Variants in SNAP91 observed in about 807,000 individuals in gnomAD.
The protein encoded by SNAP91 is synaptosome associated protein 91.
Under a neutral mutation model 100.3 loss-of-function variants are expected in SNAP91, and 27 were observed. That is an observed-to-expected ratio of 0.27 (90% confidence interval 0.20 to 0.37). SNAP91 has a LOEUF of 0.37. Among genes scored for constraint, SNAP91 ranks in the 10% least tolerant of loss-of-function variants. SNAP91 has a pLI of 1.00. For synonymous variants in SNAP91, 404 were observed against 398.6 expected, an observed-to-expected ratio of 1.01 and a Z score of -0.16; for missense variants, 986 against 1,123.7, an observed-to-expected ratio of 0.88 and a Z score of 1.75.
At chr6:83,656,931 T>C (rs1025368317) in intron 6 of SNAP91, 66 bp from the exon 7 acceptor site, 9 of 675,628 alleles carry the variant, frequency 1.3e-5, no homozygotes, top group Non-Finnish European at 2.0e-5. Flanking sequence ...TTGAATCACA[T>C]TAAAATGTCT....
chr6:83,633,552 C>T (rs765975211), intron 8 of SNAP91, among the ~76,000 whole-genome samples: 7 of 151,936 alleles, frequency 4.6e-5, no homozygotes, highest in Non-Finnish European at 1.0e-4. Context: ...GGTCTTGCTG[C>T]GGCTGCTGTG....
intron 26 of SNAP91, among the ~76,000 whole-genome samples, chr6:83,561,209 A>T (rs1026806178): frequency 6.6e-6 from 1 of 152,014 alleles, no homozygotes; most frequent in African/African-American, 2.4e-5. Flanking sequence ...TGGCTGACCA[A>T]TTTTTAAAAA....
intron 2 of SNAP91, 56 bp downstream of exon 2, chr6:83,707,742 A>G (rs756609076): frequency 1.1e-5 from 17 of 1,601,952 alleles, no homozygotes; most frequent in South Asian, 5.6e-5. Flanking sequence ...CCGCACCACC[A>G]GCATCCCAGG....
At chr6:83,565,400 G>A (rs1245740164) in intron 26 of SNAP91, among the ~76,000 whole-genome samples, 1 of 152,070 alleles carries the variant, frequency 6.6e-6, no homozygotes, top group Non-Finnish European at 1.5e-5. Context: ...GAGAGTCAAA[G>A]TCCTTTTCCT....
chr6:83,682,707 A>G (rs2099007443), intron 2 of SNAP91, among the ~76,000 whole-genome samples: 1 of 151,224 alleles, frequency 6.6e-6, no homozygotes, highest in African/African-American at 2.4e-5. Flanking sequence ...AGCATTAGGT[A>G]TATCTCCTAA....
At chr6:83,605,940 T>A in intron 13 of SNAP91, 137 bp from the exon 14 acceptor site, 2 of 787,770 alleles carry the variant, frequency 2.5e-6, no homozygotes, top group Non-Finnish European at 3.9e-6. Context: ...TTGGAAAGTA[T>A]AGAGCTATAG....
intron 28 of SNAP91, 126 bp from the exon 29 acceptor site, chr6:83,556,371 G>C (rs1778686521): frequency 2.0e-6 from 1 of 491,354 alleles, no homozygotes; most frequent in Non-Finnish European, 3.7e-6. Context: ...GAGAGAGAGA[G>C]AGAGAGAGAG....
chr6:83,659,234 T>C, intron 5 of SNAP91, 142 bp from the exon 6 acceptor site: 1 of 645,458 alleles, frequency 1.5e-6, no homozygotes, highest in Non-Finnish European at 2.6e-6. Context: ...TACAAGGTTG[T>C]AGTCATTTCC....
At chr6:83,572,439 T>TG (rs774457158) in intron 26 of SNAP91, among the ~76,000 whole-genome samples, 14 of 152,108 alleles carry the variant, frequency 9.2e-5, no homozygotes, top group Admixed American at 8.5e-4. Flanking sequence ...TTGGTAGAGA[T>TG]GGGGTTTCAC....
intron 26 of SNAP91, among the ~76,000 whole-genome samples, chr6:83,565,360 C>A (rs565774260): frequency 6.6e-6 from 1 of 152,206 alleles, no homozygotes; most frequent in South Asian, 2.1e-4. Context: ...CCTTGAACTG[C>A]CATTAGTTTC....
intron 3 of SNAP91, among the ~76,000 whole-genome samples, chr6:83,662,938 A>G (rs2098585739): frequency 6.6e-6 from 1 of 152,072 alleles, no homozygotes; most frequent in Non-Finnish European, 1.5e-5. Context: ...CTCAGGGATG[A>G]GCCAGTCTAT....
At chr6:83,655,849 C>A (rs1054263198) in intron 7 of SNAP91, among the ~76,000 whole-genome samples, 5 of 152,196 alleles carry the variant, frequency 3.3e-5, no homozygotes, top group African/African-American at 1.2e-4. Flanking sequence ...TCAAATTATA[C>A]CCATGGACTC....
intron 8 of SNAP91, among the ~76,000 whole-genome samples, chr6:83,629,363 A>G (rs890308900): frequency 2.6e-5 from 4 of 152,160 alleles, no homozygotes; most frequent in African/African-American, 9.7e-5. Context: ...TTGGTTCCAC[A>G]TGAATTTTAG....
chr6:83,623,444 G>A (rs1285684526), intron 8 of SNAP91, 102 bp from the exon 9 acceptor site: 2 of 779,796 alleles, frequency 2.6e-6, no homozygotes, highest in African/African-American at 3.5e-5. Flanking sequence ...CTCAATATTG[G>A]TGTAAATGAA....
At chr6:83,697,212 GT>G (rs1416262597) in intron 2 of SNAP91, among the ~76,000 whole-genome samples, 1 of 151,654 alleles carries the variant, frequency 6.6e-6, no homozygotes, top group Non-Finnish European at 1.5e-5. Context: ...TTTTGAAATT[GT>G]TTTTCTTTTG....
intron 3 of SNAP91, 43 bp downstream of exon 3, chr6:83,665,396 G>C: frequency 6.3e-7 from 1 of 1,581,504 alleles, no homozygotes; most frequent in Non-Finnish European, 8.6e-7. Context: ...CTTCCTAAAA[G>C]CCTCCTTCCT....
intron 2 of SNAP91, among the ~76,000 whole-genome samples, chr6:83,699,426 A>C (rs2099263730): frequency 6.6e-6 from 1 of 152,210 alleles, no homozygotes. Flanking sequence ...GCATAAAAGC[A>C]GACAAGACAC....
chr6:83,592,879 T>C, intron 20 of SNAP91, 67 bp downstream of exon 20: 2 of 1,182,526 alleles, frequency 1.7e-6, no homozygotes, highest in South Asian at 2.7e-5. Flanking sequence ...CCACATGTTA[T>C]ATCCTTCTCT....
intron 21 of SNAP91, among the ~76,000 whole-genome samples, 178 bp downstream of exon 21, chr6:83,592,277 G>A (rs1234219779): frequency 6.6e-6 from 1 of 152,164 alleles, no homozygotes; most frequent in Non-Finnish European, 1.5e-5. Context: ...ATGAAATGAT[G>A]AGGATGAAGA....
Sources: gnomAD v4.1 joint callset for allele counts (sites outside exome capture counted in the v4.1 genomes callset) on GRCh38, gnomAD v4.1.1 for gene constraint, MANE v1.5 for transcripts, NCBI Gene and HGNC (gene_info 2026-07-23, HGNC 2026-07-21) for gene names.